The following DMXL2 variants were observed in gnomAD, a reference collection of about 807,000 sequenced individuals.
DMXL2 encodes dmX-like protein 2.
In DMXL2, 103 loss-of-function variants were observed where a neutral mutation model predicts 331.1. The observed-to-expected ratio is 0.31, with a 90% confidence interval of 0.27 to 0.37. The LOEUF (loss-of-function observed/expected upper bound fraction) is 0.37, where lower values mean the gene tolerates loss of function less well. Ranked by LOEUF, DMXL2 falls within the 10% of genes least tolerant of loss-of-function variation. DMXL2 has a pLI of 1.00. For missense variants in DMXL2, 3,171 were observed against 3,642.9 expected (o/e 0.87, Z 3.33); for synonymous variants, 1,281 against 1,252.1 (o/e 1.02, Z -0.49).
chr15:51,469,925 C>T (rs1484600544), intron 29 of DMXL2, among the ~76,000 whole-genome samples: 1 of 152,174 alleles, frequency 6.6e-6, no homozygotes, highest in Non-Finnish European at 1.5e-5. Flanking sequence ...GAAATCTGCA[C>T]TCACAATGTG....
rs10243210 is a variant in DMXL2, at chr15:51,587,738, C to T, written c.88-11557G>A. ...TTCTAGCTCTAGATCCCTGAGGAAT[C>T]GCCACACTGACTTCCACAATGGTTG... On this transcript the variant is annotated intron_variant, in intron 1 of 43. Transcript: ENST00000560891. 1.3e-3 allele frequency among the ~76,000 whole-genome samples: 197 copies of T among 152,298 alleles called. 1 individual carries two copies. The highest frequency in any genetic ancestry group is 3.4e-3 in the Middle Eastern group (1 of 294).
At chr15:51,530,553 C>T (rs1223805691) in intron 13 of DMXL2, among the ~76,000 whole-genome samples, 1 of 151,040 alleles carries the variant, frequency 6.6e-6, no homozygotes, top group African/African-American at 2.4e-5. Flanking sequence ...AGATCGAGAC[C>T]ATCCTGGCTA....
intron 14 of DMXL2, 144 bp from the exon 15 acceptor site, chr15:51,514,703 A>G: frequency 1.7e-6 from 1 of 595,972 alleles, no homozygotes; most frequent in South Asian, 2.0e-5. Flanking sequence ...GAAAGAAAAA[A>G]GCAACAGAAG....
intron 1 of DMXL2, among the ~76,000 whole-genome samples, chr15:51,609,588 G>A (rs1326303916): frequency 6.6e-6 from 1 of 152,134 alleles, no homozygotes; most frequent in Admixed American, 6.5e-5. Flanking sequence ...TGTAGCCTGG[G>A]AGCAACAGGC....
At chr15:51,465,003 T>A in intron 31 of DMXL2, 127 bp from the exon 32 acceptor site, 2 of 844,810 alleles carry the variant, frequency 2.4e-6, no homozygotes, top group Non-Finnish European at 3.6e-6. Context: ...AATGTTAATG[T>A]AATACAGTTT....
chr15:51,476,771 G>A, intron 26 of DMXL2, 52 bp from the exon 27 acceptor site: 3 of 1,488,490 alleles, frequency 2.0e-6, no homozygotes, highest in Non-Finnish European at 1.8e-6. Context: ...ATAAAAAATT[G>A]CACTTTATGT....
rs2140369979 is a variant in DMXL2 at position 51,481,507 on chromosome 15, G to C, written c.5599C>G (p.Leu1867Val). The C allele has an allele frequency of 6.2e-7, 1 of 1,613,696 alleles. No homozygotes were observed. The highest frequency in any genetic ancestry group is 1.1e-5 in the South Asian group (1 of 91,024). The change falls in exon 24 of 44, where the codon CTC (leucine) becomes GTC (valine). Residue 1867 changes from leucine (L) to valine (V), a missense_variant. Physicochemically the swap from Leu to Val is conservative, Grantham distance 32. This residue lies in a region of DMXL2 where 244 missense variants were observed against 251.4 expected (regional missense o/e 0.97). Transcript: ENST00000560891. ...SPEGTLATLGLKTEKNFVDKI... is the reference protein window; with the variant it reads ...SPEGTLATLGVKTEKNFVDKI... ...TCAACAAAGTTCTTCTCAGTTTTGA[G>C]ACCTAAGGTTGCCAAAGTTCCTTCA...
At chr15:51,575,127 G>C (rs944389461) in intron 2 of DMXL2, among the ~76,000 whole-genome samples, 10 of 152,090 alleles carry the variant, frequency 6.6e-5, no homozygotes, top group African/African-American at 2.4e-4. Flanking sequence ...ATGTATCACT[G>C]AACTGTCAAG....
chr15:51,498,831 C>G lies in DMXL2; in HGVS notation c.4393G>C (p.Glu1465Gln). Reference sequence around the variant, plus strand: ...TGAAACAGCTCTGAATACTGATCCTCTGGTTGACTTACTGTCTGATCTTCA... The same window carrying G: ...TGAAACAGCTCTGAATACTGATCCTGTGGTTGACTTACTGTCTGATCTTCA... ...SYEDQTVSQP[E>Q]DQYSELFQIQ... Residue 1465 changes from glutamate to glutamine, a missense_variant, in exon 18 of 44, where the codon GAG becomes CAG. Glu to Gln is a conservative substitution (Grantham distance 29). Transcript: ENST00000560891. The G allele has an allele frequency of 1.2e-6, 2 of 1,614,190 alleles. No homozygotes were observed. The highest frequency in any genetic ancestry group is 1.1e-5 in the South Asian group (1 of 91,084).
chr15:51,515,415 T>C (rs748365195), intron 14 of DMXL2, among the ~76,000 whole-genome samples: 1 of 152,084 alleles, frequency 6.6e-6, no homozygotes, highest in Non-Finnish European at 1.5e-5. Flanking sequence ...CTTTACATAA[T>C]AGAAAGAAAT....
chr15:51,569,639 A>G (rs1358309851), intron 2 of DMXL2, among the ~76,000 whole-genome samples: 1 of 152,212 alleles, frequency 6.6e-6, no homozygotes, highest in Non-Finnish European at 1.5e-5. Context: ...AGGAACAGGC[A>G]GCAATCTTTG....
chr15:51,502,314 G>GTGTGTGTGTGTGTGTGTA (rs1426619651), intron 17 of DMXL2, among the ~76,000 whole-genome samples: 46 of 150,826 alleles, frequency 3.0e-4, no homozygotes, highest in African/African-American at 1.1e-3. Flanking sequence ...GTTTGTGTGT[G>GTGTGTGTGTGTGTGTGTA]TGTGTGTGTG....
intron 6 of DMXL2, among the ~76,000 whole-genome samples, chr15:51,548,355 C>A (rs1041292560): frequency 1.2e-4 from 18 of 152,028 alleles, no homozygotes; most frequent in African/African-American, 3.9e-4. Context: ...TCTTGGTACT[C>A]ATTCTCAATT....
chr15:51,525,479 A>C (rs2047619471), intron 13 of DMXL2, among the ~76,000 whole-genome samples: 1 of 152,144 alleles, frequency 6.6e-6, no homozygotes. Flanking sequence ...GGAGTAGAGC[A>C]CCAAGCAGGC....
At chr15:51,449,571 T>C (rs896586804) in intron 43 of DMXL2, among the ~76,000 whole-genome samples, 1 of 152,222 alleles carries the variant, frequency 6.6e-6, no homozygotes, top group Non-Finnish European at 1.5e-5. Context: ...TTTTTGACTT[T>C]ATGACAGTGT....
In DMXL2 at chr15:51,488,092, T is replaced by A. The variant is rs1205452204; in HGVS notation, c.5079A>T (p.Thr1693=). Reference sequence around the variant, plus strand: ...CTTCATTAAAGTTGTGGCTGAAAAATGTTGTCATTTTTTCATCATGCTGTG... The same window carrying A: ...CTTCATTAAAGTTGTGGCTGAAAAAAGTTGTCATTTTTTCATCATGCTGTG... ...FRSQHDEKMT[T]FFSHNFNEDR... Residue 1693 remains threonine (T), a synonymous_variant, in exon 22 of 44, where the codon ACA becomes ACT. Transcript: ENST00000560891. 6.2e-7 allele frequency: 1 copy of A among 1,609,148 alleles called. No homozygotes were observed. Among genetic ancestry groups the A allele is most frequent in the East Asian group, 2.2e-5 (1 of 44,742 alleles).
intron 39 of DMXL2, among the ~76,000 whole-genome samples, chr15:51,455,801 G>A (rs2039569023): frequency 6.6e-6 from 1 of 152,098 alleles, no homozygotes; most frequent in Admixed American, 6.5e-5. Flanking sequence ...GTGCTTACAG[G>A]AATCACCAAC....
intron 2 of DMXL2, among the ~76,000 whole-genome samples, chr15:51,569,755 AAACT>A: frequency 6.6e-6 from 1 of 152,332 alleles, no homozygotes; most frequent in East Asian, 1.9e-4. Flanking sequence ...GTTAGAAAGA[AAACT>A]AACAAACATA....
chr15:51,579,469 T>C (rs928819714), intron 1 of DMXL2, among the ~76,000 whole-genome samples: 1 of 152,208 alleles, frequency 6.6e-6, no homozygotes, highest in East Asian at 1.9e-4. Flanking sequence ...GCATGTTTAA[T>C]GTCTGTCTGG....
Sources: gnomAD v4.1 joint callset for allele counts (sites outside exome capture counted in the v4.1 genomes callset) on GRCh38, gnomAD v4.1.1 for gene constraint, gnomAD v4.1.1 regional missense constraint, MANE v1.5 for transcripts, NCBI Gene and HGNC (gene_info 2026-07-23, HGNC 2026-07-21) for gene names.